ZNF43: variants seen among roughly 807,000 people sequenced by gnomAD.
The protein encoded by ZNF43 is zinc finger protein 43, also known as zinc finger protein 39-like 1 (KOX 27).
Under a neutral mutation model 68.4 loss-of-function variants are expected in ZNF43, and 44 were observed. That is an observed-to-expected ratio of 0.64 (90% CI 0.51 to 0.83). The LOEUF (loss-of-function observed/expected upper bound fraction) is 0.83. Among genes scored for constraint, ZNF43 ranks in the 40% least tolerant of loss-of-function variants. The pLI is 0.00. For synonymous variants in ZNF43, 308 were observed against 307.8 expected (o/e 1.00, Z -0.01); for missense variants, 896 against 933.2 (o/e 0.96, Z 0.52).
chr19:21,824,821 G>T (rs745635451), intron 1 of ZNF43, among the ~76,000 whole-genome samples: 1 of 151,956 alleles, frequency 6.6e-6, no homozygotes, highest in Non-Finnish European at 1.5e-5. Flanking sequence ...GGCCAAGCTT[G>T]AGGATTATAA....
upstream of ZNF43, among the ~76,000 whole-genome samples, chr19:21,837,577 C>G (rs1360269276): frequency 6.6e-6 from 1 of 151,568 alleles, no homozygotes; most frequent in Admixed American, 6.6e-5. Context: ...GGTGCATGAC[C>G]CCATGCCCAG....
intron 1 of ZNF43, among the ~76,000 whole-genome samples, chr19:21,835,506 C>A (rs538488379): frequency 6.6e-6 from 1 of 151,098 alleles, no homozygotes; most frequent in Admixed American, 6.6e-5. Context: ...TACAGGCGCG[C>A]GCCACCACGC....
intron 1 of ZNF43, among the ~76,000 whole-genome samples, chr19:21,824,685 T>A (rs141018537): frequency 7.6e-6 from 1 of 131,202 alleles, no homozygotes; most frequent in African/African-American, 3.0e-5. Context: ...TCAAAAGAGA[T>A]CCCCTCATAG....
At chr19:21,812,208 A>G (rs2037309419) in intron 3 of ZNF43, among the ~76,000 whole-genome samples, 1 of 151,838 alleles carries the variant, frequency 6.6e-6, no homozygotes, top group Non-Finnish European at 1.5e-5. Context: ...CTCACTGCAC[A>G]CTCCATCTCC....
In ZNF43 at chr19:21,808,022, T is replaced by C. The variant is rs778750453; in HGVS notation, c.2015A>G (p.His672Arg). The C allele has an allele frequency of 9.3e-6, 15 of 1,612,924 alleles. No homozygotes were observed. Among genetic ancestry groups the C allele is most frequent in the Admixed American group, 6.7e-5 (4 of 60,016 alleles). ...ACATTTGTAGGGTTTCTCTCCAGTATGAATTATCTTATGTTTAGTAAGGGT... is the reference window on the plus strand; with the variant it reads ...ACATTTGTAGGGTTTCTCTCCAGTACGAATTATCTTATGTTTAGTAAGGGT... ...SSTLTKHKII[H>R]TGEKPYKCEE... Residue 672 changes from histidine to arginine, a missense_variant, in exon 4 of 4, where the codon CAT (histidine) becomes CGT (arginine). His to Arg is a conservative substitution (Grantham distance 29). Transcript: ENST00000354959.
At chr19:21,833,920 G>A (rs1410296930) in intron 1 of ZNF43, among the ~76,000 whole-genome samples, 9 of 151,972 alleles carry the variant, frequency 5.9e-5, no homozygotes, top group Admixed American at 2.0e-4. Context: ...CTAGCTACTC[G>A]GGAGGCTGAG....
chr19:21,846,087 C>T (rs540229284), intron 1 of ZNF43, among the ~76,000 whole-genome samples: 15 of 152,180 alleles, frequency 9.9e-5, no homozygotes, highest in African/African-American at 3.6e-4. Flanking sequence ...AAAGTCACAT[C>T]ACCTAGGTGA....
Position 21,810,259 on chromosome 19 carries a change from C to G in ZNF43, c.230-452G>C, listed in dbSNP as rs139837156. 2.8e-4 allele frequency among the ~76,000 whole-genome samples: 42 copies of G among 152,214 alleles called. No homozygotes were observed. In the East Asian group the frequency reaches 8.1e-3, roughly 29 times the overall value. The stretch of plus-strand genomic sequence containing the variant: ...GTCAGCATCTGTTTCTGGTGAGGGT[C>G]TCAGGAAGCTTACTGTTATGGTAGA... On this transcript the variant is annotated intron_variant, in intron 3 of 3. Coordinates refer to ENST00000354959, the MANE Select transcript of ZNF43 (RefSeq NM_003423.4).
chr19:21,808,177 T>G lies in ZNF43; in HGVS notation c.1860A>C (p.Lys620Asn). The G allele has an allele frequency of 1.2e-6, 2 of 1,613,218 alleles. No homozygotes were observed. Among genetic ancestry groups the G allele is most frequent in the Non-Finnish European group, 8.5e-7 (1 of 1,179,688 alleles). Residue 620 changes from lysine (K) to asparagine (N), a missense_variant, in exon 4 of 4, where the codon AAA becomes AAC. Physicochemically the swap from Lys to Asn is moderately conservative, Grantham distance 94. Transcript: ENST00000354959. Reference protein sequence around the residue: ...TTHKKIHTGGKPYKCEECGKA... With the variant: ...TTHKKIHTGGNPYKCEECGKA... ...TGCCACATTCTTCACATTTGTAGGG[T>G]TTTCCTCCAGTATGAATTTTTTTAT...
chr19:21,838,103 ACT>A (rs1967245007), upstream of ZNF43: 4 of 152,032 alleles, frequency 2.6e-5, no homozygotes, highest in South Asian at 8.3e-4. Context: ...CAGAGAAATG[ACT>A]CTGAGTTCTG....
chr19:21,811,341 C>A (rs1194562894), intron 3 of ZNF43, among the ~76,000 whole-genome samples: 3 of 151,994 alleles, frequency 2.0e-5, no homozygotes, highest in African/African-American at 7.3e-5. Flanking sequence ...TCGAGACCAG[C>A]CTGGGCAACA....
intron 1 of ZNF43, chr19:21,851,392 A>AT (rs1185142203): frequency 1.3e-5 from 2 of 151,914 alleles, no homozygotes; most frequent in Admixed American, 6.6e-5. Context: ...ATAAATAAAA[A>AT]TTAGCCGGGC....
chr19:21,843,474 T>G (rs1030384958), intron 1 of ZNF43: 3 of 774,290 alleles, frequency 3.9e-6, no homozygotes, highest in African/African-American at 1.9e-5. Context: ...CAATCTCTTC[T>G]GCGGACTGTG....
rs1206162161 is a variant in ZNF43 at position 21,808,570 on chromosome 19, T to G, written c.1467A>C (p.Lys489Asn). ...TAAGGTTTGAGGACCGGCTAAAAGC[T>G]TTGCCACATTCTTCACATTTGTACG... is the stretch of plus-strand genomic sequence containing the variant. Reference protein sequence around the residue: ...EKPYKCEECGKAFSRSSNLTK... With the variant: ...EKPYKCEECGNAFSRSSNLTK... Residue 489 changes from lysine (K) to asparagine (N), a missense_variant, in exon 4 of 4, where the codon AAA (lysine) becomes AAC (asparagine). Transcript: ENST00000354959. The G allele has an allele frequency of 1.1e-5, 18 of 1,613,594 alleles. No individual in the cohort carries two copies. Among genetic ancestry groups the G allele is most frequent in the Admixed American group, 1.7e-5 (1 of 59,972 alleles).
chr19:21,811,303 A>T (rs1304170023), intron 3 of ZNF43, among the ~76,000 whole-genome samples: 1 of 152,118 alleles, frequency 6.6e-6, no homozygotes, highest in Non-Finnish European at 1.5e-5. Context: ...AGGCCAAGGC[A>T]GGTGGATTTC....
chr19:21,828,731 T>C (rs553863320), intron 1 of ZNF43, among the ~76,000 whole-genome samples: 1 of 137,786 alleles, frequency 7.3e-6, no homozygotes, highest in African/African-American at 2.7e-5. Flanking sequence ...AAAAGTAAAT[T>C]TAAGGAAAAA....
intron 1 of ZNF43, among the ~76,000 whole-genome samples, chr19:21,822,490 CAG>C (rs1160929093): frequency 3.9e-5 from 6 of 152,220 alleles, no homozygotes; most frequent in South Asian, 4.1e-4. Flanking sequence ...AGAAAAAAAG[CAG>C]AGAGATGAAC....
intron 1 of ZNF43, among the ~76,000 whole-genome samples, chr19:21,849,488 CAAAAA>C (rs35354919): frequency 3.4e-5 from 1 of 29,506 alleles, no homozygotes; most frequent in East Asian, 1.0e-3. Context: ...AACCCTGCCT[CAAAAA>C]AAAAAAAAAA....
At chr19:21,829,734 A>T (rs927599882) in intron 1 of ZNF43, among the ~76,000 whole-genome samples, 5 of 152,332 alleles carry the variant, frequency 3.3e-5, no homozygotes, top group African/African-American at 1.2e-4. Context: ...CCTCTGATTT[A>T]TATTTTCTTT....
Sources: gnomAD v4.1 joint callset for allele counts (sites outside exome capture counted in the v4.1 genomes callset) on GRCh38, gnomAD v4.1.1 for gene constraint, MANE v1.5 for transcripts, NCBI Gene and HGNC (gene_info 2026-07-23, HGNC 2026-07-21) for gene names.